FBXL17: variants seen among roughly 807,000 people sequenced by gnomAD.
FBXL17 encodes the protein F-box and leucine rich repeat protein 17.
In FBXL17, 22 loss-of-function variants were observed where a neutral mutation model predicts 66.2. That is an observed-to-expected ratio of 0.33 (90% CI 0.24 to 0.47). The LOEUF (loss-of-function observed/expected upper bound fraction) is 0.47. Ranked by LOEUF, FBXL17 falls within the 20% of genes least tolerant of loss-of-function variation. The probability of loss-of-function intolerance (pLI) is 1.00; values close to 1 mark genes in which losing one functional copy is unlikely to be tolerated. For missense variants in FBXL17, 878 were observed against 948.2 expected, an observed-to-expected ratio of 0.93 and a Z score of 0.97; for synonymous variants, 474 against 400.5, an observed-to-expected ratio of 1.18 and a Z score of -2.19.
At chr5:108,184,623 A>C (rs1364936455) in intron 6 of FBXL17, among the ~76,000 whole-genome samples, 1 of 151,742 alleles carries the variant, frequency 6.6e-6, no homozygotes, top group Non-Finnish European at 1.5e-5. Context: ...GCACACTTGT[A>C]ATCCCAGTTA....
intron 6 of FBXL17, among the ~76,000 whole-genome samples, chr5:108,140,336 C>T (rs1000864718): frequency 5.3e-5 from 8 of 152,268 alleles, no homozygotes; most frequent in South Asian, 2.1e-4. Context: ...TGAGCCACTG[C>T]GCCTGGCAAC....
At chr5:108,281,187 A>T (rs1402946594) in intron 4 of FBXL17, among the ~76,000 whole-genome samples, 1 of 152,018 alleles carries the variant, frequency 6.6e-6, no homozygotes, top group Non-Finnish European at 1.5e-5. Flanking sequence ...GAATTTACAT[A>T]ACATTCTGCC....
intron 6 of FBXL17, among the ~76,000 whole-genome samples, chr5:108,035,915 G>C (rs2112793579): frequency 6.6e-6 from 1 of 152,262 alleles, no homozygotes; most frequent in Non-Finnish European, 1.5e-5. Flanking sequence ...CTCTAGTTTT[G>C]TGAAAAATAA....
intron 7 of FBXL17, among the ~76,000 whole-genome samples, chr5:107,946,607 A>C (rs2112599109): frequency 6.6e-6 from 1 of 151,968 alleles, no homozygotes; most frequent in Admixed American, 6.6e-5. Context: ...GCTTCCAGCT[A>C]ATCTCATTTA....
At chr5:108,082,457 A>C (rs1423978653) in intron 6 of FBXL17, among the ~76,000 whole-genome samples, 1 of 152,194 alleles carries the variant, frequency 6.6e-6, no homozygotes, top group African/African-American at 2.4e-5. Context: ...TGCTCAATAT[A>C]TGTTTGTTAT....
intron 6 of FBXL17, among the ~76,000 whole-genome samples, chr5:108,053,860 C>T (rs1464752846): frequency 6.6e-6 from 1 of 152,114 alleles, no homozygotes; most frequent in African/African-American, 2.4e-5. Context: ...TAGAACCAAC[C>T]CAAATGCCCA....
chr5:107,962,978 C>T (rs1171897781), intron 7 of FBXL17, among the ~76,000 whole-genome samples: 1 of 151,996 alleles, frequency 6.6e-6, no homozygotes, highest in Non-Finnish European at 1.5e-5. Flanking sequence ...AACCCATCCT[C>T]CATTAGGAAA....
At chr5:108,243,612 G>A (rs1372458220) in intron 4 of FBXL17, among the ~76,000 whole-genome samples, 2 of 152,124 alleles carry the variant, frequency 1.3e-5, no homozygotes, top group Non-Finnish European at 2.9e-5. Context: ...ATTTGGTTAA[G>A]TGTTTTAACT....
chr5:108,364,690 A>G (rs1748548813), intron 3 of FBXL17, 48 bp downstream of exon 3: 1 of 1,465,676 alleles, frequency 6.8e-7, no homozygotes, highest in South Asian at 1.2e-5. Context: ...GCTAGAAAAC[A>G]TTTTTAATTA....
chr5:108,196,235 C>CA (rs57735019), intron 5 of FBXL17, among the ~76,000 whole-genome samples: 11,284 of 144,872 alleles, frequency 0.078, 1,338 homozygotes, highest in African/African-American at 0.26. Context: ...ACAAAACAAA[C>CA]AAAAAAAAAA....
chr5:107,911,470 A>G (rs1580705547), intron 7 of FBXL17, among the ~76,000 whole-genome samples: 1 of 152,258 alleles, frequency 6.6e-6, no homozygotes, highest in Non-Finnish European at 1.5e-5. Context: ...CATAATAGAA[A>G]ACACTTATGT....
In FBXL17 at chr5:108,311,300, T is replaced by C. The variant is rs578100184; in HGVS notation, c.1506+37099A>G. On this transcript the variant is annotated intron_variant, in intron 4 of 8. Transcript: ENST00000542267. ...AATTCTCCTGCCTCAGCCTCCCAAG[T>C]AGCTGAGATTACAGGCGCCTGCCAC... Among the ~76,000 whole-genome samples, 24 of 152,120 alleles carry C rather than the reference T, an allele frequency of 1.6e-4. No individual in the cohort carries two copies. The Middle Eastern group carries it at 0.01, about 65-fold the overall frequency.
At chr5:108,285,703 CT>C (rs1462989688) in intron 4 of FBXL17, among the ~76,000 whole-genome samples, 1 of 151,568 alleles carries the variant, frequency 6.6e-6, no homozygotes, top group East Asian at 1.9e-4. Context: ...AAACAGTGGG[CT>C]TTGTAAACAG....
chr5:108,219,387 G>C (rs911854331), intron 5 of FBXL17, among the ~76,000 whole-genome samples: 2 of 151,924 alleles, frequency 1.3e-5, no homozygotes, highest in East Asian at 3.9e-4. Context: ...GAATTGATAG[G>C]CCTAAAGATG....
chr5:107,903,255 C>A (rs893459280), intron 7 of FBXL17, among the ~76,000 whole-genome samples: 1 of 152,094 alleles, frequency 6.6e-6, no homozygotes, highest in Admixed American at 6.6e-5. Flanking sequence ...TTACTTGATA[C>A]ACCTTTAAAA....
chr5:108,048,556 T>C (rs1036895235), intron 6 of FBXL17, among the ~76,000 whole-genome samples: 1 of 152,190 alleles, frequency 6.6e-6, no homozygotes, highest in African/African-American at 2.4e-5. Flanking sequence ...GCTAAGAACC[T>C]TGATAGAAGG....
intron 6 of FBXL17, among the ~76,000 whole-genome samples, chr5:108,184,207 C>G (rs972752951): frequency 3.9e-5 from 6 of 152,150 alleles, no homozygotes; most frequent in Non-Finnish European, 8.8e-5. Context: ...GGCGGGGGAT[C>G]ACTTAAGGCC....
chr5:107,926,813 C>T (rs1561324183), intron 7 of FBXL17, among the ~76,000 whole-genome samples: 1 of 152,052 alleles, frequency 6.6e-6, no homozygotes, highest in Non-Finnish European at 1.5e-5. Context: ...TACTAATGCA[C>T]ATTTTGGAGC....
intron 4 of FBXL17, among the ~76,000 whole-genome samples, chr5:108,296,005 G>A (rs1346809632): frequency 2.0e-5 from 3 of 151,034 alleles, no homozygotes; most frequent in African/African-American, 7.3e-5. Context: ...GTAAGAATAG[G>A]GTGGAACAGG....
Sources: gnomAD v4.1 joint callset for allele counts (sites outside exome capture counted in the v4.1 genomes callset) on GRCh38, gnomAD v4.1.1 for gene constraint, MANE v1.5 for transcripts, NCBI Gene and HGNC (gene_info 2026-07-23, HGNC 2026-07-21) for gene names.